The following HMCN1 variants were observed in gnomAD, a reference collection of about 807,000 sequenced individuals.
HMCN1 encodes hemicentin-1.
In HMCN1, 321 loss-of-function variants were observed where a neutral mutation model predicts 625.9. The ratio of observed to expected loss-of-function variants is 0.51; its 90% CI spans 0.47 to 0.56. HMCN1 has a LOEUF of 0.56. Among genes scored for constraint, HMCN1 ranks in the 20% least tolerant of loss-of-function variants. The probability of loss-of-function intolerance (pLI) is 0.00; values close to 1 mark genes in which losing one functional copy is unlikely to be tolerated. For missense variants in HMCN1, 6,588 were observed against 6,887.3 expected (o/e 0.96, Z 1.54); for synonymous variants, 2,425 against 2,417.6 (o/e 1.00, Z -0.09).
chr1:185,858,588 T>A (rs12728789), intron 2 of HMCN1, among the ~76,000 whole-genome samples: 2 of 24,174 alleles, frequency 8.3e-5, no homozygotes, highest in Admixed American at 7.5e-4. Context: ...CCCAGCTAAT[T>A]TTTTTTTTTT....
intron 53 of HMCN1, 94 bp downstream of exon 53, chr1:186,074,985 C>A (rs1285314578): frequency 1.9e-6 from 2 of 1,030,836 alleles, no homozygotes; most frequent in African/African-American, 1.6e-5. Context: ...GTGTTTTTTT[C>A]TGTTGACAAT....
chr1:185,894,999 G>A (rs754616465), intron 4 of HMCN1, among the ~76,000 whole-genome samples: 19 of 150,864 alleles, frequency 1.3e-4, no homozygotes, highest in Admixed American at 1.2e-3. Context: ...TATCAATTTG[G>A]CTTTCCTAAC....
At chr1:185,947,148 T>A (rs1668390598) in intron 11 of HMCN1, among the ~76,000 whole-genome samples, 1 of 152,188 alleles carries the variant, frequency 6.6e-6, no homozygotes. Flanking sequence ...GTTGCCAATG[T>A]CCCACCTACT....
intron 44 of HMCN1, among the ~76,000 whole-genome samples, chr1:186,054,330 A>C (rs141676535): frequency 1.3e-5 from 2 of 152,066 alleles, no homozygotes; most frequent in East Asian, 3.9e-4. Context: ...ATTTTAAAGA[A>C]TATTTTACTC....
chr1:186,072,078 C>T (rs1658512279), intron 52 of HMCN1, among the ~76,000 whole-genome samples: 1 of 152,126 alleles, frequency 6.6e-6, no homozygotes, highest in South Asian at 2.1e-4. Context: ...AATTATGATG[C>T]TTTACACTGC....
chr1:186,078,821 C>T (rs1023469931), intron 55 of HMCN1, among the ~76,000 whole-genome samples: 1 of 152,096 alleles, frequency 6.6e-6, no homozygotes, highest in African/African-American at 2.4e-5. Context: ...CAACCTTGAA[C>T]CAAATCACCA....
rs575180381 is a variant in HMCN1, at chr1:185,823,144, A to G, written c.269-22882A>G. 5.3e-5 allele frequency among the ~76,000 whole-genome samples: 8 copies of G among 152,140 alleles called. No individual in the cohort carries two copies. The South Asian group carries it at 1.4e-3, about 28-fold the overall frequency. ...AATAACATTATTGGTAAAATGTCAC[A>G]TATGGACCCAAATTTATTTCATTAA... On this transcript the variant is annotated intron_variant, in intron 1 of 106. Coordinates refer to ENST00000271588, the MANE Select transcript of HMCN1 (RefSeq NM_031935.3).
At position 186,123,071 on chromosome 1, in the gene HMCN1, G is replaced by T; in HGVS notation, c.12350G>T (p.Arg4117Leu). ...PPDITWHKDGRAIVESIRQRV... is the reference protein window; with the variant it reads ...PPDITWHKDGLAIVESIRQRV... ...GACATTACATGGCATAAAGATGGGC[G>T]TGCAATTGTGGAATCTATCCGCCAG... The change falls in exon 81 of 107, where the codon CGT (arginine) becomes CTT (leucine). Residue 4117 changes from arginine to leucine, a missense_variant. Physicochemically the swap from Arg to Leu is moderately radical, Grantham distance 102 (BLOSUM62 -2). Coordinates refer to ENST00000271588, the MANE Select transcript of HMCN1 (RefSeq NM_031935.3). 1 of 1,614,086 alleles carries T rather than the reference G, an allele frequency of 6.2e-7. No homozygotes were observed. Among genetic ancestry groups the T allele is most frequent in the Non-Finnish European group, 8.5e-7 (1 of 1,179,986 alleles).
chr1:185,984,088 A>G, intron 18 of HMCN1, 81 bp from the exon 19 acceptor site: 1 of 1,152,910 alleles, frequency 8.7e-7, no homozygotes, highest in Non-Finnish European at 1.3e-6. Context: ...CCAGTTGGGA[A>G]AAAAAGAAAA....
intron 1 of HMCN1, among the ~76,000 whole-genome samples, chr1:185,770,428 G>A (rs533732736): frequency 9.2e-5 from 14 of 152,182 alleles, no homozygotes; most frequent in Middle Eastern, 3.4e-3. Context: ...AAGAGAAAAG[G>A]AACACATAAA....
In HMCN1 at chr1:185,956,517, G is replaced by A. The variant is rs922337997; in HGVS notation, c.1829-6001G>A. Among the ~76,000 whole-genome samples the A allele has an allele frequency of 5.3e-5, 8 of 152,326 alleles. No homozygotes were observed. In the South Asian group the frequency reaches 1.7e-3, roughly 32 times the overall value. The stretch of plus-strand genomic sequence containing the variant: ...TACAGATGAACAGCCATAGGGTGAG[G>A]TATGGTAGAAGTGGCACAGAGCTTC... On this transcript the variant is annotated intron_variant, in intron 11 of 106. Transcript: ENST00000271588.
chr1:185,779,956 A>G (rs551918649), intron 1 of HMCN1, among the ~76,000 whole-genome samples: 2 of 152,334 alleles, frequency 1.3e-5, no homozygotes, highest in African/African-American at 4.8e-5. Flanking sequence ...CATTTTCACA[A>G]TATTGATTCT....
At chr1:185,856,329 A>G (rs1470284147) in intron 2 of HMCN1, among the ~76,000 whole-genome samples, 1 of 152,000 alleles carries the variant, frequency 6.6e-6, no homozygotes, top group Non-Finnish European at 1.5e-5. Context: ...TCTCTACTAA[A>G]AAATACAAAA....
At chr1:185,981,552 A>C (rs926037831) in intron 17 of HMCN1, among the ~76,000 whole-genome samples, 1 of 152,150 alleles carries the variant, frequency 6.6e-6, no homozygotes, top group Non-Finnish European at 1.5e-5. Context: ...CCCCATGTCT[A>C]TTCCTTAGAA....
intron 4 of HMCN1, among the ~76,000 whole-genome samples, chr1:185,889,005 T>G (rs1430136830): frequency 2.7e-5 from 4 of 146,252 alleles, no homozygotes; most frequent in Non-Finnish European, 4.4e-5. Context: ...TTTGTAGTTC[T>G]CCTTGAAGAG....
At chr1:186,145,997 C>T (rs1191606160) in intron 93 of HMCN1, 74 bp downstream of exon 93, 17 of 1,371,178 alleles carry the variant, frequency 1.2e-5, no homozygotes, top group Admixed American at 1.9e-5. Context: ...CCACAAATTA[C>T]AAAACAATGC....
chr1:186,128,614 C>T (rs1268888753), intron 83 of HMCN1, among the ~76,000 whole-genome samples: 1 of 151,922 alleles, frequency 6.6e-6, no homozygotes, highest in Non-Finnish European at 1.5e-5. Flanking sequence ...CCCCCTTCAT[C>T]ACTGATCAGT....
intron 97 of HMCN1, among the ~76,000 whole-genome samples, chr1:186,158,539 G>T (rs1462972939): frequency 1.3e-5 from 2 of 152,164 alleles, no homozygotes; most frequent in African/African-American, 4.8e-5. Flanking sequence ...GTAATGCCTA[G>T]GTTTTCTTCT....
chr1:185,918,784 C>T (rs561911557), intron 6 of HMCN1, among the ~76,000 whole-genome samples: 4 of 152,172 alleles, frequency 2.6e-5, no homozygotes, highest in African/African-American at 9.6e-5. Context: ...GACTTTGAAA[C>T]ACAACTCTTC....
Sources: allele counts gnomAD v4.1 joint callset (sites outside exome capture counted in the v4.1 genomes callset), GRCh38; gene constraint gnomAD v4.1.1; transcripts MANE v1.5; gene names NCBI Gene and HGNC (gene_info 2026-07-23, HGNC 2026-07-21).